Variants in FBXL17 observed in about 807,000 individuals in gnomAD.
FBXL17 encodes F-box and leucine rich repeat protein 17.
Under a neutral mutation model 66.2 loss-of-function variants are expected in FBXL17, and 22 were observed. The observed-to-expected ratio is 0.33, with a 90% CI of 0.24 to 0.47. The LOEUF (loss-of-function observed/expected upper bound fraction) is 0.47, where lower values mean the gene tolerates loss of function less well. FBXL17 is among the 20% of genes least tolerant of loss of function. FBXL17 has a pLI of 1.00. For missense variants in FBXL17, 878 were observed against 948.2 expected (o/e 0.93, Z 0.97); for synonymous variants, 474 against 400.5 (o/e 1.18, Z -2.19).
intron 6 of FBXL17, among the ~76,000 whole-genome samples, chr5:108,023,552 C>T (rs1561372643): frequency 6.6e-6 from 1 of 152,254 alleles, no homozygotes; most frequent in East Asian, 1.9e-4. Context: ...GTGGTGATAG[C>T]AGTTCATGAT....
intron 4 of FBXL17, among the ~76,000 whole-genome samples, chr5:108,242,371 T>TTGC: frequency 6.6e-6 from 1 of 151,520 alleles, no homozygotes; most frequent in Non-Finnish European, 1.5e-5. Context: ...GTTGTTGTTG[T>TTGC]TGTTGTTGTT....
chr5:107,878,225 G>T, intron 8 of FBXL17: 1 of 958,562 alleles, frequency 1.0e-6, no homozygotes, highest in Non-Finnish European at 1.2e-6. Context: ...GCATTCTCTA[G>T]TCTGAATTTA....
chr5:108,337,052 T>C (rs1214533483), intron 4 of FBXL17, among the ~76,000 whole-genome samples: 1 of 151,924 alleles, frequency 6.6e-6, no homozygotes, highest in Non-Finnish European at 1.5e-5. Context: ...GGTCAAGAGA[T>C]CGAGACCATC....
rs117106552 is a variant in FBXL17 at position 107,883,624 on chromosome 5, T to C, written c.1823-2445A>G. On this transcript the variant is annotated intron_variant, in intron 7 of 8. Transcript: ENST00000542267. ...TCAGAACTGATCACCCTAGCATTTA[T>C]TGCTATTGGGAATGTTATTATTTGT... 6.8e-4 allele frequency among the ~76,000 whole-genome samples: 103 copies of C among 152,286 alleles called. 1 individual carries two copies. The East Asian group carries it at 0.01, about 15-fold the overall frequency.
At chr5:107,925,924 T>A (rs1750510439) in intron 7 of FBXL17, among the ~76,000 whole-genome samples, 1 of 152,202 alleles carries the variant, frequency 6.6e-6, no homozygotes, top group Non-Finnish European at 1.5e-5. Flanking sequence ...TTTCACAGAC[T>A]TTTTTGCATT....
intron 4 of FBXL17, among the ~76,000 whole-genome samples, chr5:108,292,199 G>T (rs887382749): frequency 2.7e-5 from 4 of 150,068 alleles, no homozygotes; most frequent in African/African-American, 9.8e-5. Context: ...TTGGCTCACC[G>T]CAAGCTCCAC....
chr5:108,323,587 A>G (rs1193137541), intron 4 of FBXL17, among the ~76,000 whole-genome samples: 3 of 151,962 alleles, frequency 2.0e-5, no homozygotes, highest in Non-Finnish European at 2.9e-5. Context: ...TTGCAGAAAA[A>G]GAAAAACTCA....
chr5:107,984,023 T>C (rs1000473923), intron 7 of FBXL17, among the ~76,000 whole-genome samples: 1 of 152,264 alleles, frequency 6.6e-6, no homozygotes, highest in Admixed American at 6.5e-5. Context: ...ACATAAGTGA[T>C]TTTTATAAGT....
intron 6 of FBXL17, among the ~76,000 whole-genome samples, chr5:108,045,053 T>C (rs141457706): frequency 4.3e-4 from 65 of 152,346 alleles, no homozygotes; most frequent in African/African-American, 1.5e-3. Context: ...TAGAGGTCTG[T>C]CAATTTTATT....
chr5:108,294,005 C>A (rs1758231261), intron 4 of FBXL17, among the ~76,000 whole-genome samples: 1 of 131,920 alleles, frequency 7.6e-6, no homozygotes, highest in African/African-American at 2.9e-5. Context: ...CATACCACTG[C>A]ACTCCAGCCT....
chr5:108,157,345 G>A (rs936087401), intron 6 of FBXL17, among the ~76,000 whole-genome samples: 9 of 151,738 alleles, frequency 5.9e-5, no homozygotes, highest in African/African-American at 2.2e-4. Flanking sequence ...CACATTCCGT[G>A]AACAAATGTC....
chr5:107,913,210 A>G (rs377000738), intron 7 of FBXL17, among the ~76,000 whole-genome samples: 17 of 152,080 alleles, frequency 1.1e-4, no homozygotes, highest in African/African-American at 4.1e-4. Flanking sequence ...TACATTATTT[A>G]CCACCAAGAC....
chr5:107,869,834 C>T (rs984588280), intron 8 of FBXL17, among the ~76,000 whole-genome samples: 7 of 152,206 alleles, frequency 4.6e-5, no homozygotes, highest in South Asian at 2.1e-4. Context: ...GCTTCACATT[C>T]CCTTCCTTCC....
At chr5:108,052,112 C>CAAAAAAAAAAAAAAAAAAAAAAGAAAA (rs1747502774) in intron 6 of FBXL17, among the ~76,000 whole-genome samples, 1 of 102,194 alleles carries the variant, frequency 9.8e-6, no homozygotes, top group Non-Finnish European at 1.9e-5. Flanking sequence ...GACTTCGTCT[C>CAAAAAAAAAAAAAAAAAAAAAAGAAAA]AAAAAAAAAA....
intron 7 of FBXL17, among the ~76,000 whole-genome samples, chr5:107,970,063 T>C (rs182286184): frequency 6.6e-6 from 1 of 152,326 alleles, no homozygotes; most frequent in East Asian, 1.9e-4. Context: ...GTCAGCTGAA[T>C]GTTTGCTTCA....
chr5:108,366,760 TAAC>T (rs1042448352), intron 2 of FBXL17, among the ~76,000 whole-genome samples: 10 of 151,992 alleles, frequency 6.6e-5, no homozygotes, highest in Non-Finnish European at 8.8e-5. Context: ...AGCAAGTAAA[TAAC>T]AAATTATCTT....
At chr5:107,919,133 A>C (rs149723734) in intron 7 of FBXL17, among the ~76,000 whole-genome samples, 175 of 152,326 alleles carry the variant, frequency 1.1e-3, no homozygotes, top group African/African-American at 4.0e-3. Context: ...GAGTCAAAAA[A>C]AGAAAAAAAA....
intron 7 of FBXL17, among the ~76,000 whole-genome samples, chr5:107,954,901 GA>G (rs1751612172): frequency 6.6e-6 from 1 of 152,196 alleles, no homozygotes; most frequent in Admixed American, 6.5e-5. Context: ...TTTCTATTTT[GA>G]TATTAAACAT....
chr5:108,058,320 A>G (rs116028555), intron 6 of FBXL17, among the ~76,000 whole-genome samples: 2,073 of 152,304 alleles, frequency 0.014, 51 homozygotes, highest in African/African-American at 0.048. Flanking sequence ...TCGAAGAGGA[A>G]CATCTTACAT....
Sources: gnomAD v4.1 joint callset for allele counts (sites outside exome capture counted in the v4.1 genomes callset) on GRCh38, gnomAD v4.1.1 for gene constraint, MANE v1.5 for transcripts, NCBI Gene and HGNC (gene_info 2026-07-23, HGNC 2026-07-21) for gene names.